NRCAM: variants seen among roughly 807,000 people sequenced by gnomAD.
The protein encoded by NRCAM is neuronal cell adhesion molecule.
Under a neutral mutation model 156.5 loss-of-function variants are expected in NRCAM, and 83 were observed. The ratio of observed to expected loss-of-function variants is 0.53; its 90% CI spans 0.44 to 0.64. NRCAM has a LOEUF of 0.64. Ranked by LOEUF, NRCAM falls within the 30% of genes least tolerant of loss-of-function variation. NRCAM has a pLI of 0.00. For synonymous variants in NRCAM, 538 were observed against 563.9 expected, an observed-to-expected ratio of 0.95 and a Z score of 0.65; for missense variants, 1,417 against 1,597.3, an observed-to-expected ratio of 0.89 and a Z score of 1.92.
chr7:108,299,105 C>CAAAAAAAAAAAAAAAAAAAAAAAAAAAAA (rs1292917918), intron 3 of NRCAM, among the ~76,000 whole-genome samples: 1 of 16,954 alleles, frequency 5.9e-5, no homozygotes, highest in Non-Finnish European at 1.2e-4. Context: ...GACTCCATCT[C>CAAAAAAAAAAAAAAAAAAAAAAAAAAAAA]AAAAAAAAAA....
At chr7:108,155,075 T>C (rs2044192396) in intron 32 of NRCAM, among the ~76,000 whole-genome samples, 1 of 139,218 alleles carries the variant, frequency 7.2e-6, no homozygotes, top group Admixed American at 7.5e-5. Flanking sequence ...TCATAGAAGA[T>C]GATTTAAAAG....
chr7:108,288,571 G>A lies in NRCAM; in HGVS notation c.-107+24094C>T, dbSNP rs562869689. 9.9e-5 allele frequency among the ~76,000 whole-genome samples: 15 copies of A among 152,178 alleles called. 1 individual carries two copies. The highest frequency in any genetic ancestry group is 7.7e-4 in the East Asian group (4 of 5,180). On this transcript the variant is annotated intron_variant, in intron 3 of 32. Transcript: ENST00000379028. Reference sequence around the variant, plus strand: ...TAGCTCACTTCTCATCAATTCATACGTTATTGCATACCCCTATCTTTATTT... The same window carrying A: ...TAGCTCACTTCTCATCAATTCATACATTATTGCATACCCCTATCTTTATTT...
intron 1 of NRCAM, among the ~76,000 whole-genome samples, chr7:108,418,516 C>A (rs945487511): frequency 6.6e-6 from 1 of 151,944 alleles, no homozygotes; most frequent in African/African-American, 2.4e-5. Flanking sequence ...CCTGACCACA[C>A]ACTGGCTGGG....
intron 20 of NRCAM, among the ~76,000 whole-genome samples, chr7:108,187,583 A>G (rs1174636644): frequency 6.6e-6 from 1 of 152,218 alleles, no homozygotes; most frequent in African/African-American, 2.4e-5. Context: ...AAACACATAT[A>G]AACACAGTCA....
At chr7:108,244,390 G>T (rs1310167397) in intron 3 of NRCAM, among the ~76,000 whole-genome samples, 3 of 152,112 alleles carry the variant, frequency 2.0e-5, no homozygotes, top group Admixed American at 2.0e-4. Context: ...CATCTTGACT[G>T]TGAAAGACAT....
chr7:108,320,516 C>CT (rs1207983450), intron 2 of NRCAM, among the ~76,000 whole-genome samples: 1 of 151,776 alleles, frequency 6.6e-6, no homozygotes, highest in East Asian at 1.9e-4. Context: ...GATCACACCA[C>CT]TACACTCCAG....
At chr7:108,366,543 A>C (rs2099592813) in intron 2 of NRCAM, among the ~76,000 whole-genome samples, 1 of 151,534 alleles carries the variant, frequency 6.6e-6, no homozygotes. Flanking sequence ...GCCTCATTGG[A>C]CGAATTGCTT....
At chr7:108,315,356 C>T (rs1238352978) in intron 2 of NRCAM, among the ~76,000 whole-genome samples, 1 of 151,980 alleles carries the variant, frequency 6.6e-6, no homozygotes, top group Non-Finnish European at 1.5e-5. Context: ...ATAAAAAAAC[C>T]ACCTTGTTAA....
intron 2 of NRCAM, among the ~76,000 whole-genome samples, chr7:108,382,684 G>A (rs1488646841): frequency 6.6e-6 from 1 of 152,124 alleles, no homozygotes; most frequent in African/African-American, 2.4e-5. Flanking sequence ...TGGCATCTAA[G>A]TACTAGCACT....
intron 1 of NRCAM, among the ~76,000 whole-genome samples, chr7:108,440,181 A>G (rs1235932726): frequency 6.6e-6 from 1 of 152,148 alleles, no homozygotes; most frequent in African/African-American, 2.4e-5. Context: ...TACCACTGAT[A>G]CGTGTTACAA....
chr7:108,217,061 T>G (rs1324176945), intron 11 of NRCAM, among the ~76,000 whole-genome samples: 1 of 137,888 alleles, frequency 7.3e-6, no homozygotes, highest in Admixed American at 7.3e-5. Flanking sequence ...TTTATCTACC[T>G]TTGGTCTTTG....
At chr7:108,336,031 C>A (rs930559682) in intron 2 of NRCAM, among the ~76,000 whole-genome samples, 3 of 152,140 alleles carry the variant, frequency 2.0e-5, no homozygotes, top group African/African-American at 7.2e-5. Context: ...ACGTCCAGAG[C>A]CCCATTTTAT....
intron 11 of NRCAM, among the ~76,000 whole-genome samples, chr7:108,211,212 G>A (rs1248874071): frequency 1.3e-5 from 2 of 152,196 alleles, no homozygotes; most frequent in Non-Finnish European, 2.9e-5. Flanking sequence ...CAGGGGTAGA[G>A]GAAGCAGCAG....
intron 2 of NRCAM, among the ~76,000 whole-genome samples, chr7:108,354,897 A>C (rs1393359747): frequency 1.3e-5 from 2 of 152,028 alleles, no homozygotes; most frequent in South Asian, 4.1e-4. Context: ...TCTGTCTCAA[A>C]AAAAAAAAAG....
intron 3 of NRCAM, among the ~76,000 whole-genome samples, chr7:108,293,965 G>A (rs1023762666): frequency 1.4e-4 from 21 of 151,992 alleles, no homozygotes; most frequent in African/African-American, 5.1e-4. Flanking sequence ...TTATACTACT[G>A]GAGCCAGGAG....
intron 11 of NRCAM, among the ~76,000 whole-genome samples, chr7:108,214,986 G>A (rs1008644270): frequency 2.0e-5 from 3 of 152,082 alleles, no homozygotes; most frequent in Non-Finnish European, 4.4e-5. Context: ...CTGTTCTTCT[G>A]CATTTGGTGA....
chr7:108,240,032 G>A lies in NRCAM; in HGVS notation c.33C>T (p.Arg11=). The A allele has an allele frequency of 6.2e-7, 1 of 1,613,242 alleles. No homozygotes were observed. Among genetic ancestry groups the A allele is most frequent in the Non-Finnish European group, 8.5e-7 (1 of 1,179,410 alleles). Residue 11 remains arginine (R), a synonymous_variant, in exon 4 of 33, where the codon CGC becomes CGT. Transcript: ENST00000379028. ...TCAGGGGCACTCTGCCCGCAGATAA[G>A]CGCTTCTTTTTCGGCATTATTTTAA... MQLKIMPKKK[R]LSAGRVPLIL...
chr7:108,347,037 T>C (rs999724806), intron 2 of NRCAM, among the ~76,000 whole-genome samples: 1 of 134,624 alleles, frequency 7.4e-6, no homozygotes, highest in African/African-American at 2.7e-5. Flanking sequence ...TTTCTGTTTT[T>C]TTTTTTTTTT....
At chr7:108,191,558 T>G (rs1227312225) in intron 18 of NRCAM, among the ~76,000 whole-genome samples, 171 bp downstream of exon 18, 1 of 152,212 alleles carries the variant, frequency 6.6e-6, no homozygotes, top group Non-Finnish European at 1.5e-5. Flanking sequence ...CACAGTCTAT[T>G]TATACTGAAA....
Sources: allele counts gnomAD v4.1 joint callset (sites outside exome capture counted in the v4.1 genomes callset), GRCh38; gene constraint gnomAD v4.1.1; transcripts MANE v1.5; gene names NCBI Gene and HGNC (gene_info 2026-07-23, HGNC 2026-07-21).